The following DEFA4 variants were observed in gnomAD, a reference collection of about 807,000 sequenced individuals.
The protein encoded by DEFA4 is defensin alpha 4, also known as corticostatin.
DEFA4 carries 8 observed loss-of-function variants against 4.4 expected under a neutral mutation model. The ratio of observed to expected loss-of-function variants is 1.82; its 90% confidence interval spans 1.07 to 3.29. The LOEUF is 3.29. Among genes scored for constraint, DEFA4 ranks in the 30% most tolerant of loss-of-function variants. DEFA4 has a pLI of 0.00. For missense variants in DEFA4, 216 were observed against 127.0 expected (o/e 1.70, Z -3.37); for synonymous variants, 77 against 46.5 (o/e 1.66, Z -2.67).
At chr8:6,936,218 A>G (rs1415620820) in intron 2 of DEFA4, 77 bp from the exon 3 acceptor site, 1 of 1,584,206 alleles carries the variant, frequency 6.3e-7, no homozygotes, top group South Asian at 1.1e-5. Context: ...TGGAGAAGTC[A>G]CATGCTGGCT....
chr8:6,937,645 A>G (rs953518450), intron 1 of DEFA4, among the ~76,000 whole-genome samples: 1 of 152,204 alleles, frequency 6.6e-6, no homozygotes, highest in African/African-American at 2.4e-5. Flanking sequence ...AACTACGAGA[A>G]GCACATACAA....
chr8:6,938,023 T>C (rs1012516155), intron 1 of DEFA4, among the ~76,000 whole-genome samples: 2 of 152,146 alleles, frequency 1.3e-5, no homozygotes, highest in African/African-American at 4.8e-5. Flanking sequence ...CACGTGTGTT[T>C]GGAAGGAAAC....
At position 6,935,899 on chromosome 8, in the gene DEFA4, C is replaced by G; in HGVS notation, c.*121G>C. ...TAGGAGAAACAACCATTTCCTGTAG[C>G]TCTCAAAGCAAATTATGAGCTCATT... On this transcript the variant is annotated 3_prime_UTR_variant, in exon 3 of 3. Coordinates refer to ENST00000297435, the MANE Select transcript of DEFA4 (RefSeq NM_001925.3). 1.4e-6 allele frequency: 2 copies of G among 1,392,572 alleles called. No homozygotes were observed. The allele number at this position is 1,392,572 out of a possible 1,614,324, so 86.3% of individuals were successfully genotyped here.
chr8:6,936,097 G>T lies in DEFA4; in HGVS notation c.217C>A (p.Arg73=). Residue 73 remains arginine, a synonymous_variant, in exon 3 of 3, where the codon CGG becomes AGG. Coordinates refer to ENST00000297435, the MANE Select transcript of DEFA4 (RefSeq NM_001925.3). ...TTCCCAACACGAAGTTCTGTTCGCC[G>T]GCAGAATACTAATCTGCAAGAGCAG... ...MVCSCRLVFC[R]RTELRVGNCL... The T allele has an allele frequency of 1.2e-6, 2 of 1,613,972 alleles. No homozygotes were observed. Among genetic ancestry groups the T allele is most frequent in the Non-Finnish European group, 1.7e-6 (2 of 1,180,004 alleles).
chr8:6,937,590 T>G (rs1055187376), intron 1 of DEFA4, among the ~76,000 whole-genome samples: 1 of 152,108 alleles, frequency 6.6e-6, no homozygotes, highest in African/African-American at 2.4e-5. Flanking sequence ...CAGCTCAACA[T>G]GGATTGAAGA....
intron 1 of DEFA4, among the ~76,000 whole-genome samples, chr8:6,937,272 G>C (rs1013778005): frequency 6.6e-6 from 1 of 152,072 alleles, no homozygotes; most frequent in African/African-American, 2.4e-5. Flanking sequence ...TAATTTAAGA[G>C]AGCAAATGCC....
At position 6,936,797 on chromosome 8, in the gene DEFA4, G is replaced by A. The variant is rs766168163; in HGVS notation, c.103C>T (p.Arg35Cys). Residue 35 changes from arginine (R) to cysteine (C), a missense_variant, in exon 2 of 3, where the codon CGT (arginine) becomes TGT (cysteine). Physicochemically the swap from Arg to Cys is radical, Grantham distance 180. Transcript: ENST00000297435. ...RGDEAPGQEQ[R>C]GPEDQDISIS... ...GATATGTCCTGGTCTTCTGGCCCAC[G>A]CTGCTCCTGGCCTGGAGCCTCATCA... 2.8e-5 allele frequency: 45 copies of A among 1,613,484 alleles called. No homozygotes were observed. Among genetic ancestry groups the A allele is most frequent in the Non-Finnish European group, 3.3e-5 (39 of 1,179,824 alleles).
In DEFA4 at chr8:6,936,097, G is replaced by C; in HGVS notation, c.217C>G (p.Arg73Gly). 6.2e-7 allele frequency: 1 copy of C among 1,613,972 alleles called. No individual in the cohort carries two copies. Among genetic ancestry groups the C allele is most frequent in the Non-Finnish European group, 8.5e-7 (1 of 1,180,004 alleles). The change falls in exon 3 of 3, where the codon CGG becomes GGG. Residue 73 changes from arginine (R) to glycine (G), a missense_variant. Arg to Gly is a moderately radical substitution (Grantham distance 125). Coordinates refer to ENST00000297435, the MANE Select transcript of DEFA4 (RefSeq NM_001925.3). Reference sequence around the variant, plus strand: ...TTCCCAACACGAAGTTCTGTTCGCCGGCAGAATACTAATCTGCAAGAGCAG... The same window carrying C: ...TTCCCAACACGAAGTTCTGTTCGCCCGCAGAATACTAATCTGCAAGAGCAG... ...MVCSCRLVFC[R>G]RTELRVGNCL...
Position 6,936,731 on chromosome 8 carries a change from A to T in DEFA4, c.169T>A (p.Ser57Thr), listed in dbSNP as rs1479746902. 1.9e-6 allele frequency: 3 copies of T among 1,594,948 alleles called. No homozygotes were observed. The highest frequency in any genetic ancestry group is 2.6e-6 in the Non-Finnish European group (3 of 1,168,278). ...TTTTTATGCTGGCCTCTCTCACCTG[A>T]AACCTGAAGAGCAGAGCTTTTATCC... is the stretch of plus-strand genomic sequence containing the variant. ...AWDKSSALQV[S>T]GSTRGMVCSC... The change falls in exon 2 of 3, where the codon TCA (serine) becomes ACA (threonine). Residue 57 changes from serine to threonine, a missense_variant. Transcript: ENST00000297435.
chr8:6,936,080 A>C lies in DEFA4; in HGVS notation c.234T>G (p.Arg78=). 6.2e-7 allele frequency: 1 copy of C among 1,614,090 alleles called. No homozygotes were observed. The highest frequency in any genetic ancestry group is 8.5e-7 in the Non-Finnish European group (1 of 1,180,028). ...RLVFCRRTEL[R]VGNCLIGGVS... ...CACCACCAATGAGGCAGTTCCCAAC[A>C]CGAAGTTCTGTTCGCCGGCAGAATA... The change falls in exon 3 of 3, where the codon CGT becomes CGG. Residue 78 remains arginine (R), a synonymous_variant. Coordinates refer to ENST00000297435, the MANE Select transcript of DEFA4 (RefSeq NM_001925.3).
At position 6,936,001 on chromosome 8, in the gene DEFA4, TC is replaced by T; in HGVS notation, c.*18del. On this transcript the variant is annotated 3_prime_UTR_variant, in exon 3 of 3. Coordinates refer to ENST00000297435, the MANE Select transcript of DEFA4 (RefSeq NM_001925.3). ...GATGATGGCGTTCCCAGCATGACAT[TC>T]TCTTGGACAGCAGAACGTTAATCGA... is the stretch of plus-strand genomic sequence containing the variant. 1 of 1,612,876 alleles carries T rather than the reference TC, an allele frequency of 6.2e-7. No homozygotes were observed. The highest frequency in any genetic ancestry group is 8.5e-7 in the Non-Finnish European group (1 of 1,179,062).
At chr8:6,936,328 C>T (rs868384983) in intron 2 of DEFA4, among the ~76,000 whole-genome samples, 187 bp from the exon 3 acceptor site, 15 of 152,264 alleles carry the variant, frequency 9.9e-5, no homozygotes, top group Middle Eastern at 3.4e-3. Context: ...ATTTGAGACT[C>T]ATTCTCTTTT....
At chr8:6,936,434 A>G (rs1193810728) in intron 2 of DEFA4, among the ~76,000 whole-genome samples, 1 of 152,178 alleles carries the variant, frequency 6.6e-6, no homozygotes. Flanking sequence ...TGGCAGAATG[A>G]AATATTTTCC....
intron 1 of DEFA4, among the ~76,000 whole-genome samples, chr8:6,937,757 G>A (rs1808923009): frequency 6.6e-6 from 1 of 152,142 alleles, no homozygotes; most frequent in Admixed American, 6.5e-5. Flanking sequence ...GGGCTGCATT[G>A]AACGCTAAAG....
rs564566496 is a variant in DEFA4, at chr8:6,935,837, T to C, written c.*183A>G. 1.0e-4 allele frequency: 75 copies of C among 729,314 alleles called. No homozygotes were observed. The African/African-American group carries it at 1.2e-3, about 12-fold the overall frequency. 45.2% of individuals were successfully genotyped at this position (729,314 alleles called of 1,614,324 possible). A position where few individuals can be genotyped will look rare whatever the true frequency, so the allele number is the denominator to read the frequency against. On this transcript the variant is annotated 3_prime_UTR_variant, in exon 3 of 3. Transcript: ENST00000297435. ...AACAAAGACATCTTGTTACGAGATATATATTTAGGATCAAGAAAGATGTTA... is the reference window on the plus strand; with the variant it reads ...AACAAAGACATCTTGTTACGAGATACATATTTAGGATCAAGAAAGATGTTA...
At chr8:6,936,166 A>G (rs1393519230) in intron 2 of DEFA4, 25 bp from the exon 3 acceptor site, 1 of 1,612,254 alleles carries the variant, frequency 6.2e-7, no homozygotes, top group African/African-American at 1.3e-5. Flanking sequence ...GAAGCATGAG[A>G]AATTAAGCAC....
At position 6,936,002 on chromosome 8, in the gene DEFA4, C is replaced by G. The variant is rs1808830002; in HGVS notation, c.*18G>C. 6.2e-7 allele frequency: 1 copy of G among 1,613,590 alleles called. No individual in the cohort carries two copies. The highest frequency in any genetic ancestry group is 2.2e-5 in the East Asian group (1 of 44,874). On this transcript the variant is annotated 3_prime_UTR_variant, in exon 3 of 3. Coordinates refer to ENST00000297435, the MANE Select transcript of DEFA4 (RefSeq NM_001925.3). ...ATGATGGCGTTCCCAGCATGACATT[C>G]TCTTGGACAGCAGAACGTTAATCGA...
rs191203885 is a variant in DEFA4 at position 6,936,850 on chromosome 8, A to G, written c.50T>C (p.Val17Ala). Reference protein sequence around the residue: ...LAAILLVALQVRAGPLQARGD... With the variant: ...LAAILLVALQARAGPLQARGD... ...TCTTGCCTGGAGTGGGCCTGCCCGG[A>G]CCTGGAGGGCTACCAAGAGAATAGC... The change falls in exon 2 of 3, where the codon GTC (valine) becomes GCC (alanine). Residue 17 changes from valine to alanine, a missense_variant. Coordinates refer to ENST00000297435, the MANE Select transcript of DEFA4 (RefSeq NM_001925.3). The G allele has an allele frequency of 8.1e-5, 131 of 1,612,692 alleles. No individual in the cohort carries two copies. Among genetic ancestry groups the G allele is most frequent in the East Asian group, 6.9e-4 (31 of 44,840 alleles).
chr8:6,936,262 C>T, intron 2 of DEFA4, 121 bp from the exon 3 acceptor site: 2 of 1,245,660 alleles, frequency 1.6e-6, no homozygotes, highest in Non-Finnish European at 2.3e-6. Context: ...GTGCCGGTAG[C>T]ACAAACAACC....
Sources: gnomAD v4.1 joint callset for allele counts (sites outside exome capture counted in the v4.1 genomes callset) on GRCh38, gnomAD v4.1.1 for gene constraint, MANE v1.5 for transcripts, NCBI Gene and HGNC (gene_info 2026-07-23, HGNC 2026-07-21) for gene names.